The following TRIM34 variants were observed in gnomAD, a reference collection of about 807,000 sequenced individuals.
The protein encoded by TRIM34 is E3 ubiquitin-protein ligase TRIM34.
In TRIM34, 41 loss-of-function variants were observed where a neutral mutation model predicts 38.1. The observed-to-expected ratio is 1.08, with a 90% CI of 0.84 to 1.40. The LOEUF (loss-of-function observed/expected upper bound fraction) is 1.40. TRIM34 is among the 40% of genes most tolerant of loss of function. The probability of loss-of-function intolerance (pLI) is 0.00; values close to 1 mark genes in which losing one functional copy is unlikely to be tolerated. For missense variants in TRIM34, 556 were observed against 571.4 expected (o/e 0.97, Z 0.27); for synonymous variants, 200 against 202.5 (o/e 0.99, Z 0.10).
At chr11:5,621,232 A>C (rs1848984158), upstream of TRIM34, among the ~76,000 whole-genome samples, 1 of 152,172 alleles carries the variant, frequency 6.6e-6, no homozygotes, top group African/African-American at 2.4e-5. Context: ...CTTTTGGGAT[A>C]TTTATGACTT....
intron 4 of TRIM34, among the ~76,000 whole-genome samples, chr11:5,637,369 G>T (rs1252348229): frequency 2.0e-5 from 3 of 152,130 alleles, no homozygotes; most frequent in Non-Finnish European, 1.5e-5. Flanking sequence ...AACACTTACT[G>T]CCAAAGAACG....
chr11:5,622,675 A>G (rs1166727425), upstream of TRIM34, among the ~76,000 whole-genome samples: 1 of 152,198 alleles, frequency 6.6e-6, no homozygotes, highest in Non-Finnish European at 1.5e-5. Flanking sequence ...AACAAAATGA[A>G]TGATGAAAAA....
chr11:5,640,617 G>A (rs1849965731), intron 4 of TRIM34, among the ~76,000 whole-genome samples: 1 of 151,924 alleles, frequency 6.6e-6, no homozygotes, highest in African/African-American at 2.4e-5. Flanking sequence ...TGATGTCTTT[G>A]GTTCTTTTAT....
Position 5,643,459 on chromosome 11 carries a change from G to GT in TRIM34, c.1218dup (p.Lys407Ter). On this transcript the variant is annotated frameshift_variant, in exon 8 of 8. Coordinates refer to ENST00000429814, the MANE Select transcript of TRIM34 (RefSeq NM_021616.6). LOFTEE classifies it low-confidence loss of function (END_TRUNC). ...TGGGTTATAGGGTTACAGAATAAAT[G>GT]TAAGTATGGTGTCTTTGAAGAGTCT... is the stretch of plus-strand genomic sequence containing the variant. 1.2e-6 allele frequency: 2 copies of GT among 1,614,186 alleles called. No individual in the cohort carries two copies. The highest frequency in any genetic ancestry group is 1.7e-6 in the Non-Finnish European group (2 of 1,180,018).
At chr11:5,639,858 G>A (rs973518946) in intron 4 of TRIM34, among the ~76,000 whole-genome samples, 11 of 151,882 alleles carry the variant, frequency 7.2e-5, no homozygotes, top group African/African-American at 2.7e-4. Context: ...TACTTAATAA[G>A]TATACATATT....
In TRIM34 at chr11:5,634,764, A is replaced by G. The variant is rs1196916917; in HGVS notation, c.653A>G (p.Glu218Gly). The G allele has an allele frequency of 6.2e-7, 1 of 1,613,978 alleles. No homozygotes were observed. Among genetic ancestry groups the G allele is most frequent in the East Asian group, 2.2e-5 (1 of 44,898 alleles). The stretch of plus-strand genomic sequence containing the variant: ...AAGAAGACGCTGGATAAGTTTGCAG[A>G]GGCTGAGGATGAGCTAGTTCAGCAG... The part of the protein sequence containing the change: ...EEKKTLDKFA[E>G]AEDELVQQKQ... Residue 218 changes from glutamate (E) to glycine (G), a missense_variant, in exon 4 of 8, where the codon GAG (glutamate) becomes GGG (glycine). Transcript: ENST00000429814.
upstream of TRIM34, among the ~76,000 whole-genome samples, chr11:5,623,776 T>A (rs562682055): frequency 7.2e-5 from 11 of 152,142 alleles, no homozygotes; most frequent in Admixed American, 3.3e-4. Context: ...TCCCAAGGTA[T>A]TGGATGTGGA....
chr11:5,643,687 C>T lies in TRIM34; in HGVS notation c.1445C>T (p.Thr482Ile), dbSNP rs750282356. Residue 482 changes from threonine to isoleucine, a missense_variant, in exon 8 of 8, where the codon ACT becomes ATT. By Grantham distance (89) the Thr-to-Ile change is moderately conservative (BLOSUM62 -1). Coordinates refer to ENST00000429814, the MANE Select transcript of TRIM34 (RefSeq NM_021616.6). ...FNPWNCPAPM[T>I]LCPPSS ...CCTTGGAACTGTCCAGCTCCCATGA[C>T]TCTATGCCCACCAAGCTCTTGAATT... The T allele has an allele frequency of 6.3e-6, 10 of 1,598,356 alleles. 2 individuals are homozygous for T. Among genetic ancestry groups the T allele is most frequent in the Middle Eastern group, 3.4e-4 (2 of 5,960 alleles).
intron 1 of TRIM34, among the ~76,000 whole-genome samples, chr11:5,627,050 C>T (rs1266184290): frequency 6.6e-6 from 1 of 151,972 alleles, no homozygotes; most frequent in Non-Finnish European, 1.5e-5. Context: ...ACTCTGTCTA[C>T]TGATGTAAGA....
At chr11:5,625,765 T>A (rs889112387) in intron 1 of TRIM34, among the ~76,000 whole-genome samples, 1 of 152,222 alleles carries the variant, frequency 6.6e-6, no homozygotes, top group Non-Finnish European at 1.5e-5. Flanking sequence ...TTACTTTTAC[T>A]TCAGTAACCC....
chr11:5,623,439 C>T (rs947190482), upstream of TRIM34, among the ~76,000 whole-genome samples: 49 of 151,920 alleles, frequency 3.2e-4, no homozygotes, highest in African/African-American at 1.1e-3. Context: ...GCGATCTCGG[C>T]TCACTGCAAC....
upstream of TRIM34, among the ~76,000 whole-genome samples, chr11:5,621,539 T>C (rs1289268777): frequency 6.6e-6 from 1 of 152,174 alleles, no homozygotes; most frequent in East Asian, 1.9e-4. Context: ...CAGCTGAGAG[T>C]GAGGCACCAG....
chr11:5,620,093 G>C (rs1410735467), upstream of TRIM34: 1 of 148,588 alleles, frequency 6.7e-6, no homozygotes. Flanking sequence ...TTTTTTTCCT[G>C]TGACTTTATC....
chr11:5,635,448 G>C (rs1203669195), intron 4 of TRIM34, among the ~76,000 whole-genome samples: 2 of 151,864 alleles, frequency 1.3e-5, no homozygotes, highest in African/African-American at 4.8e-5. Context: ...AGTAAACATG[G>C]GGTTTCACCG....
At chr11:5,627,524 A>C (rs1849298933) in intron 1 of TRIM34, among the ~76,000 whole-genome samples, 3 of 152,230 alleles carry the variant, frequency 2.0e-5, no homozygotes, top group African/African-American at 7.2e-5. Context: ...TATTCTCACG[A>C]AGTAACAGAC....
rs1849599915 is a variant in TRIM34 at position 5,633,875 on chromosome 11, CAGAGA to C, written c.502_506del (p.Glu168AsnfsTer10). 2 of 1,614,038 alleles carry C rather than the reference CAGAGA, an allele frequency of 1.2e-6. No individual in the cohort carries two copies. Among genetic ancestry groups the C allele is most frequent in the Non-Finnish European group, 8.5e-7 (1 of 1,179,966 alleles). ...AAGCTGAGAAGCTGGAAGCTGACATCAGAGAAGAGAAAACTTCCTGGAAGGCAAGA... is the reference window on the plus strand; with the variant it reads ...AAGCTGAGAAGCTGGAAGCTGACATCAGAGAAAACTTCCTGGAAGGCAAGA... On this transcript the variant is annotated frameshift_variant, in exon 3 of 8. Transcript: ENST00000429814.
At chr11:5,628,384 G>A (rs1032025426) in intron 1 of TRIM34, among the ~76,000 whole-genome samples, 1 of 152,240 alleles carries the variant, frequency 6.6e-6, no homozygotes, top group Admixed American at 6.5e-5. Context: ...TAAACTCCTT[G>A]TCTTACTAGT....
In TRIM34 at chr11:5,641,095, G is replaced by A. The variant is rs1237848853; in HGVS notation, c.751-72G>A. On this transcript the variant is annotated intron_variant, in intron 4 of 7. Coordinates refer to ENST00000429814, the MANE Select transcript of TRIM34 (RefSeq NM_021616.6). ...TGATTTTTCCATTTTTTTTCCTACT[G>A]TTCTTCTTTCTTTCATTAGTCTTAC... The A allele has an allele frequency of 3.4e-6, 5 of 1,463,448 alleles. No homozygotes were observed. In the African/African-American group the frequency reaches 5.9e-5, roughly 17 times the overall value. The allele number at this position is 1,463,448 out of a possible 1,614,324, so 90.7% of individuals were successfully genotyped here.
rs1849519301 is a variant in TRIM34, at chr11:5,632,399, C to A, written c.68C>A (p.Thr23Lys). The A allele has an allele frequency of 6.2e-7, 1 of 1,613,940 alleles. No homozygotes were observed. Among genetic ancestry groups the A allele is most frequent in the Non-Finnish European group, 8.5e-7 (1 of 1,180,030 alleles). The change falls in exon 2 of 8, where the codon ACA becomes AAA. Residue 23 changes from threonine (T) to lysine (K), a missense_variant. Transcript: ENST00000429814. ...VTCPICLELL[T>K]EPLSLDCGHS... ...TGTCCCATCTGCCTGGAGCTGTTGA[C>A]AGAACCCTTGAGTCTAGACTGTGGC...
Sources: gnomAD v4.1 joint callset for allele counts (sites outside exome capture counted in the v4.1 genomes callset) on GRCh38, gnomAD v4.1.1 for gene constraint, MANE v1.5 for transcripts, NCBI Gene and HGNC (gene_info 2026-07-23, HGNC 2026-07-21) for gene names.